Variants in DMD observed in about 807,000 individuals in gnomAD.
DMD encodes mutant dystrophin.
In DMD, 63 loss-of-function variants were observed where a neutral mutation model predicts 330.1. The observed-to-expected ratio is 0.19, with a 90% CI of 0.16 to 0.24. DMD has a LOEUF of 0.24. DMD is among the 10% of genes least tolerant of loss of function. DMD has a pLI of 1.00. For synonymous variants in DMD, 1,223 were observed against 959.8 expected, an observed-to-expected ratio of 1.27 and a Z score of -5.07; for missense variants, 3,344 against 2,684.1, an observed-to-expected ratio of 1.25 and a Z score of -5.43.
chrX:31,344,037 C>T (rs866075681), intron 61 of DMD, among the ~76,000 whole-genome samples: 2 of 83,213 alleles, frequency 2.4e-5, no homozygotes, highest in Admixed American at 1.4e-4. Flanking sequence ...GATTGGAGTG[C>T]GGGGGGGGGT....
chrX:31,197,940 T>C (rs1398961745), intron 67 of DMD, among the ~76,000 whole-genome samples: 1 of 106,305 alleles, frequency 9.4e-6, no homozygotes, highest in African/African-American at 3.4e-5. Context: ...TGCAGCAACA[T>C]GTACGGAACC....
chrX:32,627,148 GC>G (rs10543882), intron 11 of DMD, among the ~76,000 whole-genome samples: 837 of 32,866 alleles, frequency 0.025, 67 homozygotes, highest in African/African-American at 0.089. Context: ...CCTCTTCCCC[GC>G]CCCCCCCCCC....
intron 44 of DMD, among the ~76,000 whole-genome samples, chrX:32,118,888 G>A (rs922314804): frequency 1.2e-4 from 13 of 110,764 alleles, no homozygotes; most frequent in Non-Finnish European, 7.6e-5. Context: ...TAGATCCCTC[G>A]TGTGGACAGT....
chrX:32,792,534 TAAAA>T (rs1383292678), intron 7 of DMD, among the ~76,000 whole-genome samples: 2 of 111,954 alleles, frequency 1.8e-5, no homozygotes, highest in Non-Finnish European at 3.8e-5. Context: ...CTGAATGGAT[TAAAA>T]AATATATAAC....
intron 17 of DMD, among the ~76,000 whole-genome samples, chrX:32,518,841 T>C (rs1239301359): frequency 1.8e-5 from 2 of 110,028 alleles, no homozygotes; most frequent in African/African-American, 6.6e-5. Flanking sequence ...AGTGCTCCAG[T>C]TGATGCCACA....
intron 55 of DMD, among the ~76,000 whole-genome samples, chrX:31,526,811 TA>T (rs1343540353): frequency 1.8e-5 from 2 of 112,151 alleles, no homozygotes; most frequent in Non-Finnish European, 3.8e-5. Context: ...GGGAGATTTT[TA>T]TATTTTAAAA....
At chrX:33,047,379 T>C (rs1471299424) in intron 1 of DMD, among the ~76,000 whole-genome samples, 1 of 111,791 alleles carries the variant, frequency 8.9e-6, no homozygotes, top group Non-Finnish European at 1.9e-5. Context: ...TGTGCCACTT[T>C]AAACACTGGT....
At chrX:31,808,958 C>T (rs925352289) in intron 50 of DMD, among the ~76,000 whole-genome samples, 2 of 109,964 alleles carry the variant, frequency 1.8e-5, no homozygotes, top group African/African-American at 6.6e-5. Context: ...CTATTATAAT[C>T]CATAATGAAC....
intron 6 of DMD, among the ~76,000 whole-genome samples, chrX:32,810,837 C>A (rs1334987290): frequency 9.0e-6 from 1 of 111,633 alleles, no homozygotes; most frequent in African/African-American, 3.3e-5. Context: ...CGAAGTCCAA[C>A]AGGGTCCAGG....
chrX:32,154,845 C>T (rs2096822695), intron 44 of DMD, among the ~76,000 whole-genome samples: 1 of 99,191 alleles, frequency 1.0e-5, no homozygotes, highest in African/African-American at 4.0e-5. Context: ...CAGAAGAGGG[C>T]ACAAGCTTTG....
chrX:32,955,145 T>C (rs1207731423), intron 2 of DMD, among the ~76,000 whole-genome samples: 1 of 112,165 alleles, frequency 8.9e-6, no homozygotes, highest in African/African-American at 3.2e-5. Flanking sequence ...TGAACTAATG[T>C]ACAGTCCCAC....
chrX:31,261,822 C>A (rs1225833091), intron 62 of DMD: 3 of 112,225 alleles, frequency 2.7e-5, no homozygotes, highest in Non-Finnish European at 5.6e-5. Flanking sequence ...CTTACTTTGG[C>A]CCATCTACAT....
At chrX:31,212,160 ATATATATGTGTGTGTGTATG>A (rs1447291699) in intron 64 of DMD, among the ~76,000 whole-genome samples, 20 of 87,280 alleles carry the variant, frequency 2.3e-4, no homozygotes, top group African/African-American at 8.2e-4. Context: ...ATATATATAT[ATATATATGTGTGTGTGTATG>A]TGTGTGTGTG....
At chrX:31,431,364 G>A (rs908353726) in intron 60 of DMD, among the ~76,000 whole-genome samples, 1 of 111,430 alleles carries the variant, frequency 9.0e-6, no homozygotes, top group Non-Finnish European at 1.9e-5. Context: ...CCTGCCAGCT[G>A]TTGGTAGAAA....
chrX:32,727,252 T>C (rs2066991738), intron 7 of DMD, among the ~76,000 whole-genome samples: 1 of 111,545 alleles, frequency 9.0e-6, no homozygotes, highest in South Asian at 3.7e-4. Context: ...TTGGCTTAGA[T>C]TACACATTGT....
At chrX:31,846,996 T>C (rs2093439186) in intron 48 of DMD, among the ~76,000 whole-genome samples, 1 of 111,933 alleles carries the variant, frequency 8.9e-6, no homozygotes, top group African/African-American at 3.2e-5. Context: ...GCTTGCTACA[T>C]GATGGACTGA....
chrX:31,771,589 G>A (rs900300109), intron 51 of DMD, among the ~76,000 whole-genome samples: 1 of 108,849 alleles, frequency 9.2e-6, no homozygotes, highest in Non-Finnish European at 1.9e-5. Context: ...TGGAACCTCT[G>A]GTCCAGGATT....
chrX:33,083,217 T>TA (rs2094957002), intron 1 of DMD, among the ~76,000 whole-genome samples: 1 of 111,272 alleles, frequency 9.0e-6, no homozygotes, highest in Admixed American at 9.5e-5. Context: ...CTTTACAAGA[T>TA]AAAATCACCC....
chrX:31,996,506 C>T (rs909845500), intron 44 of DMD, among the ~76,000 whole-genome samples: 2 of 111,416 alleles, frequency 1.8e-5, no homozygotes, highest in African/African-American at 6.5e-5. Flanking sequence ...TATGTAATGG[C>T]AACTGGGAAC....
Sources: allele counts gnomAD v4.1 joint callset (sites outside exome capture counted in the v4.1 genomes callset), GRCh38; gene constraint gnomAD v4.1.1; transcripts MANE v1.5; gene names NCBI Gene and HGNC (gene_info 2026-07-23, HGNC 2026-07-21).